QTMAN: variants seen among roughly 807,000 people sequenced by gnomAD.
QTMAN encodes tRNA-queuosine alpha-mannosyltransferase.
chr2:144,190,490 T>A, the QTMAN span, among the ~76,000 whole-genome samples: 1 of 152,162 alleles, frequency 6.6e-6, no homozygotes, highest in Admixed American at 6.5e-5. Flanking sequence ...GATAACTGAA[T>A]CAAGGTGATA....
the QTMAN span, chr2:144,178,226 G>C: frequency 2.0e-5 from 3 of 152,110 alleles, no homozygotes; most frequent in Non-Finnish European, 2.9e-5. Flanking sequence ...TGGGTAACTT[G>C]GTCAAATCAT....
At chr2:144,156,950 T>C in the QTMAN span, among the ~76,000 whole-genome samples, 1 of 152,050 alleles carries the variant, frequency 6.6e-6, no homozygotes, top group African/African-American at 2.4e-5. Context: ...AATGAGGTCA[T>C]CTGCCCCACG....
At chr2:144,250,167 G>A in the QTMAN span, among the ~76,000 whole-genome samples, 4,111 of 147,490 alleles carry the variant, frequency 0.028, 80 homozygotes, top group Non-Finnish European at 0.043. Flanking sequence ...ATGGAGTCTC[G>A]CTCTGTCGCC....
At chr2:144,210,071 G>A in the QTMAN span, among the ~76,000 whole-genome samples, 1 of 151,268 alleles carries the variant, frequency 6.6e-6, no homozygotes, top group Non-Finnish European at 1.5e-5. Context: ...GGGGGGGGCT[G>A]TGGGGGACTG....
the QTMAN span, among the ~76,000 whole-genome samples, chr2:144,048,513 CAAAT>C: frequency 6.6e-6 from 1 of 151,920 alleles, no homozygotes; most frequent in African/African-American, 2.4e-5. Context: ...AATAATTACA[CAAAT>C]AAATTATTAA....
At chr2:144,192,088 T>TA in the QTMAN span, among the ~76,000 whole-genome samples, 3 of 151,816 alleles carry the variant, frequency 2.0e-5, no homozygotes, top group African/African-American at 7.3e-5. Flanking sequence ...TGTGAAAAGT[T>TA]AGAGGTGTTT....
chr2:144,132,783 G>A, the QTMAN span, among the ~76,000 whole-genome samples: 30 of 151,704 alleles, frequency 2.0e-4, no homozygotes, highest in Non-Finnish European at 3.8e-4. Context: ...CCAAAAAGCC[G>A]ATCAATAGAT....
At chr2:144,174,244 T>C in the QTMAN span, among the ~76,000 whole-genome samples, 2 of 152,146 alleles carry the variant, frequency 1.3e-5, no homozygotes, top group African/African-American at 4.8e-5. Flanking sequence ...ACCCAGATGC[T>C]TACCTCCATC....
chr2:143,951,471 A>AT, the QTMAN span, among the ~76,000 whole-genome samples: 1 of 151,454 alleles, frequency 6.6e-6, no homozygotes, highest in Non-Finnish European at 1.5e-5. Flanking sequence ...GAAACTGAGG[A>AT]TTTTTTATGT....
the QTMAN span, among the ~76,000 whole-genome samples, chr2:144,252,893 T>C: frequency 5.3e-5 from 8 of 152,202 alleles, no homozygotes; most frequent in Non-Finnish European, 1.2e-4. Flanking sequence ...GGTATATCCA[T>C]ACAATGGAAT....
the QTMAN span, among the ~76,000 whole-genome samples, chr2:144,098,403 T>C: frequency 6.6e-6 from 1 of 152,216 alleles, no homozygotes; most frequent in Admixed American, 6.5e-5. Context: ...CCAACTGTTT[T>C]TTAAAGTTCC....
chr2:144,234,440 C>A, the QTMAN span, among the ~76,000 whole-genome samples: 1 of 152,058 alleles, frequency 6.6e-6, no homozygotes, highest in Admixed American at 6.6e-5. Flanking sequence ...CTATTTTCTA[C>A]AAACCAAATG....
chr2:144,092,083 G>A, the QTMAN span, among the ~76,000 whole-genome samples: 1 of 152,134 alleles, frequency 6.6e-6, no homozygotes, highest in East Asian at 1.9e-4. Flanking sequence ...GGAATCATAA[G>A]GAAGCTTTTA....
At chr2:144,268,820 C>T in the QTMAN span, among the ~76,000 whole-genome samples, 3 of 151,992 alleles carry the variant, frequency 2.0e-5, no homozygotes, top group Non-Finnish European at 4.4e-5. Flanking sequence ...TTTTGACTCT[C>T]GCTCTGTCAC....
chr2:143,978,314 T>C, the QTMAN span, among the ~76,000 whole-genome samples: 1 of 152,224 alleles, frequency 6.6e-6, no homozygotes. Flanking sequence ...TTTTCCCCAG[T>C]TAAATCTTCC....
chr2:144,156,069 G>A, the QTMAN span, among the ~76,000 whole-genome samples: 4 of 151,722 alleles, frequency 2.6e-5, no homozygotes, highest in Non-Finnish European at 5.9e-5. Context: ...AATTTTTTTG[G>A]TGCTTATGAG....
chr2:144,189,229 C>A, the QTMAN span, among the ~76,000 whole-genome samples: 28 of 152,250 alleles, frequency 1.8e-4, no homozygotes, highest in South Asian at 2.1e-3. Context: ...TCAAGCAATC[C>A]CCTAGTCTGA....
At chr2:144,002,974 T>C in the QTMAN span, among the ~76,000 whole-genome samples, 1 of 152,012 alleles carries the variant, frequency 6.6e-6, no homozygotes, top group Non-Finnish European at 1.5e-5. Context: ...ATCTTCTACT[T>C]AGACATTATA....
chr2:144,229,820 A>T, the QTMAN span, among the ~76,000 whole-genome samples: 1 of 152,200 alleles, frequency 6.6e-6, no homozygotes, highest in Non-Finnish European at 1.5e-5. Context: ...CCACATATTC[A>T]TAAAACCTGT....
Sources: allele counts gnomAD v4.1 joint callset (sites outside exome capture counted in the v4.1 genomes callset), GRCh38; gene constraint gnomAD v4.1.1; transcripts MANE v1.5; gene names NCBI Gene and HGNC (gene_info 2026-07-23, HGNC 2026-07-21).